Variants in RAB10 observed in about 807,000 individuals in gnomAD.
The protein encoded by RAB10 is ras-related protein Rab-10.
A neutral mutation model predicts 25.7 loss-of-function variants in RAB10; 5 were observed. That is an observed-to-expected ratio of 0.19 (90% CI 0.10 to 0.41). The LOEUF is 0.41. Among genes scored for constraint, RAB10 ranks in the 10% least tolerant of loss-of-function variants. The pLI, the probability that RAB10 is intolerant of heterozygous loss-of-function variation, is 1.00. For missense variants in RAB10, 103 were observed against 245.8 expected (o/e 0.42, Z 3.89); for synonymous variants, 89 against 86.4 (o/e 1.03, Z -0.16).
At chr2:26,104,296 C>A (rs960311151) in intron 2 of RAB10, among the ~76,000 whole-genome samples, 1 of 152,218 alleles carries the variant, frequency 6.6e-6, no homozygotes, top group African/African-American at 2.4e-5. Context: ...AGGTTGGTAT[C>A]TCATTATGGT....
At chr2:26,049,430 T>C (rs1666085200) in intron 1 of RAB10, among the ~76,000 whole-genome samples, 2 of 150,682 alleles carry the variant, frequency 1.3e-5, no homozygotes, top group African/African-American at 4.9e-5. Context: ...TTTTTTGAGA[T>C]GGAGTTTAGC....
chr2:26,086,763 G>A (rs1666996804), intron 1 of RAB10, among the ~76,000 whole-genome samples: 1 of 152,210 alleles, frequency 6.6e-6, no homozygotes, highest in Non-Finnish European at 1.5e-5. Context: ...GACAAATTAT[G>A]GTGTACGCAT....
intron 1 of RAB10, among the ~76,000 whole-genome samples, chr2:26,054,300 C>T (rs1244524872): frequency 2.6e-5 from 4 of 151,300 alleles, no homozygotes; most frequent in East Asian, 3.9e-4. Context: ...GTGATCTGCC[C>T]GTCTTGGCCT....
chr2:26,114,587 T>A (rs1574558609), intron 3 of RAB10, among the ~76,000 whole-genome samples: 1 of 152,042 alleles, frequency 6.6e-6, no homozygotes, highest in East Asian at 1.9e-4. Context: ...TACAGAAAAG[T>A]TAACTCAAAA....
chr2:26,116,523 T>C (rs1181622379), intron 3 of RAB10, among the ~76,000 whole-genome samples: 2 of 151,016 alleles, frequency 1.3e-5, no homozygotes, highest in African/African-American at 4.9e-5. Context: ...GGAGACTGTA[T>C]TTCTTTTCTT....
chr2:26,055,992 T>C (rs542362574), intron 1 of RAB10, among the ~76,000 whole-genome samples: 313 of 152,032 alleles, frequency 2.1e-3, no homozygotes, highest in African/African-American at 7.3e-3. Flanking sequence ...ACTTCCAGGC[T>C]CAAGCGATCC....
rs1665938011 is a variant in RAB10 at position 26,043,704 on chromosome 2, A to C, written c.127+8969A>C. On this transcript the variant is annotated intron_variant, in intron 1 of 5. Transcript: ENST00000264710. ...ATGTGTGAGGTACCTATAGTAGACA[A>C]AATTAGTGGAATAGTGGTTACTGGG... Among the ~76,000 whole-genome samples, 6 of 152,300 alleles carry C rather than the reference A, an allele frequency of 3.9e-5. No homozygotes were observed. In the South Asian group the frequency reaches 1.2e-3, roughly 32 times the overall value.
At chr2:26,036,822 C>T (rs1665773376) in intron 1 of RAB10, among the ~76,000 whole-genome samples, 1 of 151,902 alleles carries the variant, frequency 6.6e-6, no homozygotes, top group Non-Finnish European at 1.5e-5. Flanking sequence ...CTGAGCCTCA[C>T]TCTGTGGCCC....
chr2:26,038,354 G>A (rs754472478), intron 1 of RAB10, among the ~76,000 whole-genome samples: 1 of 151,448 alleles, frequency 6.6e-6, no homozygotes, highest in Non-Finnish European at 1.5e-5. Context: ...GCACCACCAC[G>A]CCTGGCCAAT....
At chr2:26,096,763 C>G (rs1279455126) in intron 1 of RAB10, among the ~76,000 whole-genome samples, 1 of 152,140 alleles carries the variant, frequency 6.6e-6, no homozygotes, top group African/African-American at 2.4e-5. Context: ...TGAAATATTG[C>G]TTTAGCTGTA....
chr2:26,133,661 T>C (rs779563372), intron 5 of RAB10, among the ~76,000 whole-genome samples: 6 of 152,248 alleles, frequency 3.9e-5, no homozygotes, highest in South Asian at 4.1e-4. Flanking sequence ...ATTCTGATTT[T>C]TTTTTCTTTT....
At chr2:26,052,813 C>T (rs1666165858) in intron 1 of RAB10, among the ~76,000 whole-genome samples, 1 of 152,110 alleles carries the variant, frequency 6.6e-6, no homozygotes. Flanking sequence ...TAGACACCTG[C>T]TTTGGTCTTG....
intron 1 of RAB10, among the ~76,000 whole-genome samples, chr2:26,065,952 G>T (rs1666504097): frequency 6.6e-6 from 1 of 152,026 alleles, no homozygotes; most frequent in South Asian, 2.1e-4. Flanking sequence ...TTTTTACCAT[G>T]ACAGTCTACT....
rs556578797 is a variant in RAB10, at chr2:26,036,019, A to G, written c.127+1284A>G. On this transcript the variant is annotated intron_variant, in intron 1 of 5. Transcript: ENST00000264710. ...TATCATACTGTTTTCTTGGTCTGTC[A>G]TAAATTTCATGAAACTTAGAGCTTG... 4.2e-3 allele frequency among the ~76,000 whole-genome samples: 633 copies of G among 152,326 alleles called. 2 individuals carry two copies. The highest frequency in any genetic ancestry group is 6.7e-3 in the Non-Finnish European group (453 of 68,020).
chr2:26,104,696 A>G (rs912845941), intron 2 of RAB10, among the ~76,000 whole-genome samples: 32 of 149,720 alleles, frequency 2.1e-4, no homozygotes, highest in African/African-American at 7.6e-4. Flanking sequence ...GAGTTTTTAT[A>G]GTTCAGCTGT....
chr2:26,041,878 T>C (rs1665897599), intron 1 of RAB10, among the ~76,000 whole-genome samples: 2 of 151,922 alleles, frequency 1.3e-5, no homozygotes, highest in South Asian at 4.1e-4. Context: ...TAATCCAACC[T>C]GGGCAACAGG....
intron 2 of RAB10, among the ~76,000 whole-genome samples, chr2:26,109,169 C>T (rs1017594082): frequency 2.6e-5 from 4 of 152,074 alleles, no homozygotes; most frequent in African/African-American, 9.7e-5. Flanking sequence ...CTCAGCCTCC[C>T]GAAGGGCTGG....
chr2:26,044,665 C>T (rs773332465), intron 1 of RAB10, among the ~76,000 whole-genome samples: 276 of 152,150 alleles, frequency 1.8e-3, no homozygotes, highest in Middle Eastern at 3.4e-3. Context: ...CCTGCCTCAA[C>T]CTCCCGAGTA....
At position 26,136,571 on chromosome 2, in the gene RAB10, A is replaced by G. The variant is rs1202164266; in HGVS notation, c.*1550A>G. ...TCATTGCTTATCATTAGGATAGGGT[A>G]AGTGAAGTTTGCTATGCTGCTAGCA... On this transcript the variant is annotated 3_prime_UTR_variant, in exon 6 of 6. Coordinates refer to ENST00000264710, the MANE Select transcript of RAB10 (RefSeq NM_016131.5). The G allele has an allele frequency of 6.6e-6, 1 of 152,628 alleles. No homozygotes were observed. Among genetic ancestry groups the G allele is most frequent in the Non-Finnish European group, 1.5e-5 (1 of 68,046 alleles). The allele number at this position is 152,628 out of a possible 1,614,324, so 9.5% of individuals were successfully genotyped here.
Sources: allele counts gnomAD v4.1 joint callset (sites outside exome capture counted in the v4.1 genomes callset), GRCh38; gene constraint gnomAD v4.1.1; transcripts MANE v1.5; gene names NCBI Gene and HGNC (gene_info 2026-07-23, HGNC 2026-07-21).